DIS3L2: variants seen among roughly 807,000 people sequenced by gnomAD.
DIS3L2 encodes the protein DIS3-like exonuclease 2.
Under a neutral mutation model 97.5 loss-of-function variants are expected in DIS3L2, and 34 were observed. That is an observed-to-expected ratio of 0.35 (90% CI 0.27 to 0.46). The LOEUF is 0.46. DIS3L2 is among the 20% of genes least tolerant of loss of function. DIS3L2 has a pLI of 1.00. For missense variants in DIS3L2, 1,038 were observed against 1,146.0 expected, an observed-to-expected ratio of 0.91 and a Z score of 1.36; for synonymous variants, 435 against 445.2, an observed-to-expected ratio of 0.98 and a Z score of 0.29.
chr2:231,990,233 T>TA (rs1353427592), intron 1 of DIS3L2, among the ~76,000 whole-genome samples: 2 of 152,154 alleles, frequency 1.3e-5, no homozygotes, highest in African/African-American at 4.8e-5. Context: ...TAGTCTCTAT[T>TA]GTTTTGCAAG....
chr2:231,993,809 CA>C (rs1224298443), intron 1 of DIS3L2, among the ~76,000 whole-genome samples: 1 of 147,812 alleles, frequency 6.8e-6, no homozygotes. Context: ...TAACGGTTAA[CA>C]TTGTTGAATA....
chr2:232,209,974 A>G (rs1424278816), intron 9 of DIS3L2, among the ~76,000 whole-genome samples: 4 of 152,224 alleles, frequency 2.6e-5, no homozygotes, highest in Non-Finnish European at 2.9e-5. Flanking sequence ...ATATTTTACC[A>G]AAGTGTAAAT....
intron 1 of DIS3L2, among the ~76,000 whole-genome samples, chr2:231,981,610 ATAT>A (rs1693261404): frequency 1.4e-5 from 2 of 139,220 alleles, no homozygotes; most frequent in Non-Finnish European, 3.1e-5. Context: ...ATATATATAT[ATAT>A]ATATATATAT....
chr2:232,211,102 T>C (rs1692176549), intron 10 of DIS3L2, among the ~76,000 whole-genome samples: 1 of 151,786 alleles, frequency 6.6e-6, no homozygotes, highest in African/African-American at 2.4e-5. Context: ...AGTGAACCCT[T>C]CCAATCCCTC....
chr2:232,213,041 G>A (rs190851884), intron 10 of DIS3L2, among the ~76,000 whole-genome samples: 1 of 152,196 alleles, frequency 6.6e-6, no homozygotes, highest in East Asian at 1.9e-4. Flanking sequence ...TTCTTTGTAG[G>A]GGAGCTGAGG....
At chr2:232,171,504 CTA>C (rs1305508641) in intron 9 of DIS3L2, among the ~76,000 whole-genome samples, 3 of 152,130 alleles carry the variant, frequency 2.0e-5, no homozygotes, top group Non-Finnish European at 4.4e-5. Flanking sequence ...TGACAAATAA[CTA>C]TCAACTGTGC....
At chr2:231,988,290 A>G (rs971412833) in intron 1 of DIS3L2, among the ~76,000 whole-genome samples, 1 of 152,196 alleles carries the variant, frequency 6.6e-6, no homozygotes, top group Non-Finnish European at 1.5e-5. Flanking sequence ...CTATCTTTCA[A>G]ACTCACTCAT....
chr2:232,326,430 A>G (rs1695577579), intron 14 of DIS3L2, among the ~76,000 whole-genome samples: 1 of 151,968 alleles, frequency 6.6e-6, no homozygotes, highest in African/African-American at 2.4e-5. Flanking sequence ...CCCAAACTCC[A>G]CTGGGGACCC....
chr2:231,970,819 AT>A (rs1294219277), intron 1 of DIS3L2, among the ~76,000 whole-genome samples: 17 of 100,240 alleles, frequency 1.7e-4, no homozygotes, highest in Non-Finnish European at 2.8e-4. Context: ...ATAAACTTTA[AT>A]TTTTTATATT....
chr2:232,286,443 T>C (rs1694436078), intron 13 of DIS3L2, among the ~76,000 whole-genome samples: 1 of 152,326 alleles, frequency 6.6e-6, no homozygotes, highest in East Asian at 1.9e-4. Context: ...TCCCAGATAC[T>C]GCTCAGGTAA....
chr2:232,049,110 A>G (rs770992470), intron 5 of DIS3L2, among the ~76,000 whole-genome samples: 7 of 152,212 alleles, frequency 4.6e-5, no homozygotes, highest in Admixed American at 2.6e-4. Context: ...TAATGACTAC[A>G]TAATATTTCC....
At chr2:232,032,167 A>G (rs1338636338) in intron 5 of DIS3L2, among the ~76,000 whole-genome samples, 16 of 152,296 alleles carry the variant, frequency 1.1e-4, no homozygotes, top group South Asian at 4.2e-4. Context: ...CCTCTCCAGC[A>G]TCGGTTGTTT....
rs1243910186 is a variant in DIS3L2 at position 232,265,010 on chromosome 2, G to T, written c.1659+1570G>T. On this transcript the variant is annotated intron_variant, in intron 13 of 20. Transcript: ENST00000325385. ...GAAGAAGACAGCAGACATGGTGGAAGAGAAACTAAAGGCATAGGGGATTAC... is the reference window on the plus strand; with the variant it reads ...GAAGAAGACAGCAGACATGGTGGAATAGAAACTAAAGGCATAGGGGATTAC... 2.0e-5 allele frequency among the ~76,000 whole-genome samples: 3 copies of T among 152,268 alleles called. No homozygotes were observed. In the East Asian group the frequency reaches 5.8e-4, roughly 29 times the overall value.
chr2:231,981,598 TTATATATATATATATATATATATATATA>T (rs10669283), intron 1 of DIS3L2, among the ~76,000 whole-genome samples: 2 of 84,070 alleles, frequency 2.4e-5, no homozygotes, highest in Non-Finnish European at 4.6e-5. Context: ...GTTAAGTATT[TTATATATATATATATATATATATATATA>T]TATATATATA....
chr2:232,267,129 T>G (rs967001436), intron 13 of DIS3L2, among the ~76,000 whole-genome samples: 2 of 152,226 alleles, frequency 1.3e-5, no homozygotes, highest in Non-Finnish European at 2.9e-5. Context: ...ATGTCTGAGT[T>G]AGTGAGCCTC....
At chr2:232,321,888 C>T (rs959084222) in intron 14 of DIS3L2, among the ~76,000 whole-genome samples, 11 of 152,142 alleles carry the variant, frequency 7.2e-5, no homozygotes, top group Admixed American at 6.5e-4. Context: ...CATGTGTGTG[C>T]GCCTGTGCCT....
intron 13 of DIS3L2, 118 bp downstream of exon 13, chr2:232,263,558 C>A: frequency 2.1e-6 from 2 of 972,932 alleles, no homozygotes; most frequent in Non-Finnish European, 3.1e-6. Context: ...CCAGGCACCA[C>A]ACTAAAATCA....
At chr2:232,231,669 G>T (rs1055836153) in intron 10 of DIS3L2, among the ~76,000 whole-genome samples, 27 of 152,248 alleles carry the variant, frequency 1.8e-4, no homozygotes, top group African/African-American at 6.3e-4. Context: ...TTGCAGACCT[G>T]GTATGGAGAG....
chr2:232,103,907 T>A (rs528116900), intron 6 of DIS3L2, among the ~76,000 whole-genome samples: 1 of 152,330 alleles, frequency 6.6e-6, no homozygotes, highest in African/African-American at 2.4e-5. Flanking sequence ...TTTGAGCACA[T>A]ACTGTAATGT....
Sources: gnomAD v4.1 joint callset for allele counts (sites outside exome capture counted in the v4.1 genomes callset) on GRCh38, gnomAD v4.1.1 for gene constraint, MANE v1.5 for transcripts, NCBI Gene and HGNC (gene_info 2026-07-23, HGNC 2026-07-21) for gene names.